Variants in CTXN2 observed in about 807,000 individuals in gnomAD.
The protein encoded by CTXN2 is cortexin-2.
CTXN2 carries 3 observed loss-of-function variants against 5.7 expected under a neutral mutation model. That is an observed-to-expected ratio of 0.53 (90% CI 0.24 to 1.36). The LOEUF (loss-of-function observed/expected upper bound fraction) is 1.36. Ranked by LOEUF, CTXN2 falls within the 40% of genes most tolerant of loss-of-function variation. The probability of loss-of-function intolerance (pLI) is 0.17; values close to 1 mark genes in which losing one functional copy is unlikely to be tolerated. For synonymous variants in CTXN2, 38 were observed against 36.4 expected (o/e 1.04, Z -0.16); for missense variants, 87 against 93.0 (o/e 0.94, Z 0.26).
intron 1 of CTXN2, among the ~76,000 whole-genome samples, chr15:48,196,180 A>T (rs1359572017): frequency 6.6e-6 from 1 of 152,056 alleles, no homozygotes; most frequent in Non-Finnish European, 1.5e-5. Context: ...CAGCTTACAG[A>T]TTTATTTTAC....
intron 1 of CTXN2, among the ~76,000 whole-genome samples, chr15:48,197,006 A>G (rs1257451721): frequency 5.8e-5 from 5 of 86,540 alleles, no homozygotes; most frequent in Non-Finnish European, 9.5e-5. Flanking sequence ...ATCCGCTTAC[A>G]TTGTTTGATT....
At chr15:48,185,760 G>A (rs897799314) in intron 1 of CTXN2, among the ~76,000 whole-genome samples, 4 of 152,106 alleles carry the variant, frequency 2.6e-5, no homozygotes, top group Non-Finnish European at 4.4e-5. Context: ...AAGACAGATC[G>A]TATGGTGAAA....
upstream of CTXN2, among the ~76,000 whole-genome samples, chr15:48,186,804 G>A (rs1432502259): frequency 6.6e-6 from 1 of 150,928 alleles, no homozygotes; most frequent in African/African-American, 2.4e-5. Context: ...CAGTTACTCA[G>A]AAGGCTGAGG....
intron 1 of CTXN2, among the ~76,000 whole-genome samples, chr15:48,194,925 T>C (rs1415231543): frequency 6.6e-6 from 1 of 152,176 alleles, no homozygotes; most frequent in East Asian, 1.9e-4. Context: ...AATATTTCTA[T>C]GTACTGGGCT....
At chr15:48,194,919 T>G (rs1195311088) in intron 1 of CTXN2, among the ~76,000 whole-genome samples, 3 of 152,190 alleles carry the variant, frequency 2.0e-5, no homozygotes, top group African/African-American at 4.8e-5. Flanking sequence ...TCTGCAAATA[T>G]TTCTATGTAC....
At chr15:48,198,837 AC>A (rs1289094727) in intron 1 of CTXN2, among the ~76,000 whole-genome samples, 1 of 152,198 alleles carries the variant, frequency 6.6e-6, no homozygotes, top group East Asian at 1.9e-4. Flanking sequence ...AATTTAGCTA[AC>A]ATCATAACTA....
upstream of CTXN2, chr15:48,189,602 G>A (rs1432247607): frequency 6.6e-6 from 1 of 151,944 alleles, no homozygotes; most frequent in Non-Finnish European, 1.5e-5. Flanking sequence ...AAAATCAAAG[G>A]AATCAAATTC....
At chr15:48,193,623 T>C (rs1223203959) in intron 1 of CTXN2, among the ~76,000 whole-genome samples, 1 of 152,126 alleles carries the variant, frequency 6.6e-6, no homozygotes, top group African/African-American at 2.4e-5. Context: ...TGTGAATAGC[T>C]CTTCCAGCTT....
intron 1 of CTXN2, among the ~76,000 whole-genome samples, chr15:48,197,757 G>T (rs1032693500): frequency 6.6e-6 from 1 of 152,008 alleles, no homozygotes; most frequent in African/African-American, 2.4e-5. Context: ...TATAAATTAT[G>T]TTTAAAGCCA....
rs1407531070 is a variant in CTXN2, at chr15:48,202,274, A to G, written c.*728A>G. ...CTAGTGGAAAGAGTACTCTAAGCAG[A>G]AACAAAGACAGTCTCAGCTGTGCCA... On this transcript the variant is annotated 3_prime_UTR_variant, in exon 2 of 2. Transcript: ENST00000417307. 2 of 167,152 alleles carry G rather than the reference A, an allele frequency of 1.2e-5. No homozygotes were observed. The highest frequency in any genetic ancestry group is 2.1e-4 in the South Asian group (1 of 4,826). The allele number at this position is 167,152 out of a possible 1,614,324, so 10.4% of individuals were successfully genotyped here.
chr15:48,193,631 CT>C (rs2040847923), intron 1 of CTXN2, among the ~76,000 whole-genome samples: 1 of 151,892 alleles, frequency 6.6e-6, no homozygotes, highest in Non-Finnish European at 1.5e-5. Context: ...GCTCTTCCAG[CT>C]TTTAGAGAAA....
intron 1 of CTXN2, chr15:48,178,534 G>A: frequency 2.9e-6 from 1 of 341,384 alleles, no homozygotes; most frequent in Non-Finnish European, 5.2e-6. Flanking sequence ...CCCCGGTGGT[G>A]GTGCCATGTC....
chr15:48,180,417 A>G (rs1434664229), intron 1 of CTXN2, among the ~76,000 whole-genome samples: 3 of 152,218 alleles, frequency 2.0e-5, no homozygotes, highest in Non-Finnish European at 4.4e-5. Flanking sequence ...CTTGCTATTA[A>G]TTGCAAAAGA....
chr15:48,193,421 T>G (rs1373255438), intron 1 of CTXN2, among the ~76,000 whole-genome samples: 1 of 152,132 alleles, frequency 6.6e-6, no homozygotes, highest in East Asian at 1.9e-4. Context: ...TCAAATAACT[T>G]TTACCACTAC....
At chr15:48,192,682 A>G (rs985978074) in intron 1 of CTXN2, among the ~76,000 whole-genome samples, 12 of 152,280 alleles carry the variant, frequency 7.9e-5, no homozygotes, top group African/African-American at 2.9e-4. Flanking sequence ...AGAGATTATT[A>G]TATCTAATGA....
In CTXN2 at chr15:48,201,252, T is replaced by A. The variant is rs995156362; in HGVS notation, c.-49T>A. 3.9e-6 allele frequency: 6 copies of A among 1,542,424 alleles called. No homozygotes were observed. Among genetic ancestry groups the A allele is most frequent in the African/African-American group, 1.4e-5 (1 of 72,588 alleles). The stretch of plus-strand genomic sequence containing the variant: ...TCCAATTTTGTACCTAGGCAAAGAG[T>A]TGATTCCAGAAGGAACTGTGAAGAG... On this transcript the variant is annotated 5_prime_UTR_variant, in exon 2 of 2. In the 5' UTR this introduces an upstream ATG that the reference lacks. Transcript: ENST00000417307.
intron 1 of CTXN2, among the ~76,000 whole-genome samples, chr15:48,198,073 C>T (rs1373909758): frequency 6.6e-6 from 1 of 152,062 alleles, no homozygotes; most frequent in Non-Finnish European, 1.5e-5. Context: ...TGGCTATATA[C>T]CTTTCCTTAG....
intron 1 of CTXN2, among the ~76,000 whole-genome samples, chr15:48,195,832 CAGT>C (rs1353834287): frequency 6.6e-6 from 1 of 152,038 alleles, no homozygotes; most frequent in East Asian, 1.9e-4. Context: ...ATTTGATACA[CAGT>C]AGATTTTAAA....
At chr15:48,192,914 G>T (rs1208112390) in intron 1 of CTXN2, among the ~76,000 whole-genome samples, 2 of 151,992 alleles carry the variant, frequency 1.3e-5, no homozygotes, top group African/African-American at 4.8e-5. Flanking sequence ...TATCTGAAAG[G>T]TATATTTTTA....
Sources: allele counts gnomAD v4.1 joint callset (sites outside exome capture counted in the v4.1 genomes callset), GRCh38; gene constraint gnomAD v4.1.1; transcripts MANE v1.5; gene names NCBI Gene and HGNC (gene_info 2026-07-23, HGNC 2026-07-21).